The following SLC36A1 variants were observed in gnomAD, a reference collection of about 807,000 sequenced individuals.
The protein encoded by SLC36A1 is proton-coupled amino acid transporter 1.
Under a neutral mutation model 47.5 loss-of-function variants are expected in SLC36A1, and 30 were observed. That is an observed-to-expected ratio of 0.63 (90% CI 0.47 to 0.86). The LOEUF (loss-of-function observed/expected upper bound fraction) is 0.86, where lower values mean the gene tolerates loss of function less well. Ranked by LOEUF, SLC36A1 falls within the 40% of genes least tolerant of loss-of-function variation. The pLI is 0.00. For missense variants in SLC36A1, 517 were observed against 606.0 expected, an observed-to-expected ratio of 0.85 and a Z score of 1.54; for synonymous variants, 255 against 249.7, an observed-to-expected ratio of 1.02 and a Z score of -0.20.
chr5:151,369,730 C>T, the SLC36A1 span, among the ~76,000 whole-genome samples: 1 of 152,244 alleles, frequency 6.6e-6, no homozygotes, highest in Admixed American at 6.5e-5. Context: ...CATCCTCTCA[C>T]CTCAGCCTAC....
chr5:151,543,671 A>G, the SLC36A1 span: 1 of 1,614,140 alleles, frequency 6.2e-7, no homozygotes, highest in Non-Finnish European at 8.5e-7. Context: ...TCTGCCTCAT[A>G]AAGGTGCTGC....
chr5:151,553,514 A>T, the SLC36A1 span: 1 of 790,552 alleles, frequency 1.3e-6, no homozygotes, highest in Non-Finnish European at 2.1e-6. Context: ...TCATTCATTC[A>T]TCTGATGCAT....
chr5:151,443,619 G>T (rs976830791), upstream of SLC36A1, among the ~76,000 whole-genome samples: 1 of 152,146 alleles, frequency 6.6e-6, no homozygotes, highest in African/African-American at 2.4e-5. Context: ...ATAAGCTGCC[G>T]TTACACTTTG....
At position 151,490,769 on chromosome 5, in the gene SLC36A1, T is replaced by C. The variant is rs1481434248; in HGVS notation, c.*2515T>C. The C allele has an allele frequency of 6.6e-6, 1 of 152,264 alleles. No homozygotes were observed. The highest frequency in any genetic ancestry group is 1.5e-5 in the Non-Finnish European group (1 of 68,068). 9.4% of individuals were successfully genotyped at this position (152,264 alleles called of 1,614,324 possible). A position where few individuals can be genotyped will look rare whatever the true frequency, so the allele number is the denominator to read the frequency against. On this transcript the variant is annotated 3_prime_UTR_variant, in exon 11 of 11. Coordinates refer to ENST00000243389, the MANE Select transcript of SLC36A1 (RefSeq NM_078483.4). ...TCCAGCCAGAGGACCTTCCTGGCTA[T>C]GCAGGTGCACAGCTCTTAGGCATCA...
the SLC36A1 span, among the ~76,000 whole-genome samples, chr5:151,403,309 A>G: frequency 2.0e-5 from 3 of 152,244 alleles, no homozygotes; most frequent in South Asian, 6.2e-4. Context: ...CTCATGTTCA[A>G]TTGTCATCCC....
At chr5:151,502,400 C>T in the SLC36A1 span, among the ~76,000 whole-genome samples, 9 of 148,044 alleles carry the variant, frequency 6.1e-5, no homozygotes, top group Non-Finnish European at 2.9e-5. Context: ...AAAGGCATAT[C>T]TGATAAAATA....
At chr5:151,545,570 G>A in the SLC36A1 span, 1 of 1,614,110 alleles carries the variant, frequency 6.2e-7, no homozygotes, top group South Asian at 1.1e-5. Context: ...GCAGGTCTGG[G>A]TGCAAATAAT....
chr5:151,365,865 A>C, the SLC36A1 span, among the ~76,000 whole-genome samples: 1 of 152,284 alleles, frequency 6.6e-6, no homozygotes, highest in East Asian at 1.9e-4. Flanking sequence ...TGCCTGGCCC[A>C]CAGTGTGCCT....
intron 2 of SLC36A1, among the ~76,000 whole-genome samples, 198 bp from the exon 3 acceptor site, chr5:151,463,355 G>C (rs1755844555): frequency 6.6e-6 from 1 of 152,220 alleles, no homozygotes; most frequent in African/African-American, 2.4e-5. Context: ...GGGAGCTCTG[G>C]AGTCAGACTG....
chr5:151,495,092 G>A (rs762915103), downstream of SLC36A1, among the ~76,000 whole-genome samples: 14 of 152,180 alleles, frequency 9.2e-5, no homozygotes, highest in Non-Finnish European at 1.5e-4. Context: ...GCCGTTCCTT[G>A]TTGGATTCCT....
At chr5:151,472,896 A>G (rs766619619) in intron 7 of SLC36A1, among the ~76,000 whole-genome samples, 2 of 152,198 alleles carry the variant, frequency 1.3e-5, no homozygotes, top group Non-Finnish European at 2.9e-5. Flanking sequence ...GGCCAGGCGC[A>G]GTGGCCAACG....
At chr5:151,553,045 C>A in the SLC36A1 span, 1 of 813,716 alleles carries the variant, frequency 1.2e-6, no homozygotes, top group East Asian at 2.5e-5. Flanking sequence ...GCAGTCCCCA[C>A]TCCGGGCTGA....
intron 1 of SLC36A1, among the ~76,000 whole-genome samples, chr5:151,441,385 A>G (rs1396107169): frequency 6.6e-6 from 1 of 152,258 alleles, no homozygotes; most frequent in African/African-American, 2.4e-5. Context: ...TATTTAATGT[A>G]TGTTAATATA....
the SLC36A1 span, among the ~76,000 whole-genome samples, chr5:151,391,939 C>G: frequency 6.6e-6 from 1 of 152,186 alleles, no homozygotes; most frequent in Non-Finnish European, 1.5e-5. Flanking sequence ...GGAGGATTCC[C>G]TCTTTTTCTA....
chr5:151,414,320 GGCTCAGT>G, the SLC36A1 span, among the ~76,000 whole-genome samples: 2 of 152,064 alleles, frequency 1.3e-5, no homozygotes, highest in African/African-American at 4.8e-5. Flanking sequence ...CATAAATAAG[GGCTCAGT>G]GTTGGGAAAA....
At chr5:151,540,798 C>A in the SLC36A1 span, 1 of 1,580,576 alleles carries the variant, frequency 6.3e-7, no homozygotes, top group Non-Finnish European at 8.6e-7. Flanking sequence ...AGAAGCCAAG[C>A]AATAGGAATG....
chr5:151,394,173 C>G, the SLC36A1 span, among the ~76,000 whole-genome samples: 1 of 152,138 alleles, frequency 6.6e-6, no homozygotes, highest in Admixed American at 6.5e-5. Flanking sequence ...TCACTGATAC[C>G]CTTTCTTCCA....
the SLC36A1 span, chr5:151,517,884 A>G: frequency 8.0e-7 from 1 of 1,247,794 alleles, no homozygotes; most frequent in Non-Finnish European, 1.1e-6. Context: ...TATTTTATAC[A>G]TGAAGAAACT....
chr5:151,346,777 A>G, the SLC36A1 span, among the ~76,000 whole-genome samples: 5 of 152,140 alleles, frequency 3.3e-5, no homozygotes, highest in Admixed American at 6.5e-5. Context: ...GGAAAAAACT[A>G]GAACTTTCCA....
Sources: allele counts gnomAD v4.1 joint callset (sites outside exome capture counted in the v4.1 genomes callset), GRCh38; gene constraint gnomAD v4.1.1; transcripts MANE v1.5; gene names NCBI Gene and HGNC (gene_info 2026-07-23, HGNC 2026-07-21).